GPR39: variants seen among roughly 807,000 people sequenced by gnomAD.
GPR39 encodes G protein-coupled receptor 39.
In GPR39, 23 loss-of-function variants were observed where a neutral mutation model predicts 18.4. That is an observed-to-expected ratio of 1.25 (90% CI 0.90 to 1.77). The LOEUF is 1.77. Ranked by LOEUF, GPR39 falls within the 40% of genes most tolerant of loss-of-function variation. GPR39 has a pLI of 0.00. For missense variants in GPR39, 647 were observed against 602.4 expected (o/e 1.07, Z -0.78); for synonymous variants, 280 against 257.9 (o/e 1.09, Z -0.82).
chr2:132,493,285 T>TACCATATATATAC (rs1257623066), intron 1 of GPR39, among the ~76,000 whole-genome samples: 1 of 146,288 alleles, frequency 6.8e-6, no homozygotes, highest in Admixed American at 6.9e-5. Context: ...ATACCATATA[T>TACCATATATATAC]ACCATATATA....
chr2:132,581,937 A>G (rs1211806298), intron 1 of GPR39, among the ~76,000 whole-genome samples: 1 of 152,124 alleles, frequency 6.6e-6, no homozygotes, highest in Non-Finnish European at 1.5e-5. Context: ...TGTTTACTGC[A>G]GATGTTTCAA....
chr2:132,517,668 G>T (rs116153868), intron 1 of GPR39, among the ~76,000 whole-genome samples: 1 of 152,090 alleles, frequency 6.6e-6, no homozygotes, highest in South Asian at 2.1e-4. Flanking sequence ...GTTATTGATC[G>T]CCAAATTTGT....
chr2:132,548,039 C>G (rs1012582795), intron 1 of GPR39, among the ~76,000 whole-genome samples: 8 of 152,174 alleles, frequency 5.3e-5, no homozygotes, highest in Non-Finnish European at 1.0e-4. Context: ...CCCAGCCACC[C>G]TCCCCGCTTA....
At chr2:132,579,105 T>G (rs980289715) in intron 1 of GPR39, among the ~76,000 whole-genome samples, 1 of 151,922 alleles carries the variant, frequency 6.6e-6, no homozygotes, top group Non-Finnish European at 1.5e-5. Flanking sequence ...TTCAGTACTA[T>G]AAGTTTTTCC....
At chr2:132,594,083 A>G (rs1428226572) in intron 1 of GPR39, among the ~76,000 whole-genome samples, 1 of 152,184 alleles carries the variant, frequency 6.6e-6, no homozygotes, top group Non-Finnish European at 1.5e-5. Flanking sequence ...TACAGCCAGG[A>G]TGGGTGACTT....
chr2:132,643,066 G>A (rs7567602), intron 1 of GPR39, among the ~76,000 whole-genome samples: 88,275 of 152,018 alleles, frequency 0.58, 27,425 homozygotes, highest in African/African-American at 0.81. Context: ...CGAAGTGGGA[G>A]AAAAGTCCCG....
At chr2:132,578,660 T>C (rs1056231978) in intron 1 of GPR39, among the ~76,000 whole-genome samples, 1 of 152,308 alleles carries the variant, frequency 6.6e-6, no homozygotes, top group Admixed American at 6.5e-5. Context: ...TGTTTCTAAA[T>C]AGACTTAACC....
chr2:132,602,044 C>T (rs1681051546), intron 1 of GPR39, among the ~76,000 whole-genome samples: 1 of 150,946 alleles, frequency 6.6e-6, no homozygotes, highest in Non-Finnish European at 1.5e-5. Context: ...AAAAAAAAAA[C>T]CTTAAATTAG....
At chr2:132,555,967 C>A (rs1404346707) in intron 1 of GPR39, among the ~76,000 whole-genome samples, 1 of 152,116 alleles carries the variant, frequency 6.6e-6, no homozygotes, top group Non-Finnish European at 1.5e-5. Flanking sequence ...TGCTGGGCCC[C>A]AACCCTAGAG....
intron 1 of GPR39, among the ~76,000 whole-genome samples, chr2:132,585,321 A>G (rs1054059229): frequency 2.6e-5 from 4 of 151,968 alleles, no homozygotes; most frequent in Non-Finnish European, 4.4e-5. Context: ...CTAAACCCCT[A>G]TTCTAGCTTC....
chr2:132,472,351 C>T (rs1384173059), intron 1 of GPR39, among the ~76,000 whole-genome samples: 1 of 152,172 alleles, frequency 6.6e-6, no homozygotes, highest in Non-Finnish European at 1.5e-5. Flanking sequence ...GTATTCCATC[C>T]AGCTCCTGAC....
intron 1 of GPR39, among the ~76,000 whole-genome samples, chr2:132,509,886 A>G (rs571082537): frequency 6.6e-6 from 1 of 152,324 alleles, no homozygotes; most frequent in East Asian, 1.9e-4. Flanking sequence ...TAGATGGATA[A>G]TTCATGGGCA....
chr2:132,515,830 T>G lies in GPR39; in HGVS notation c.856+97932T>G, dbSNP rs377214591. Among the ~76,000 whole-genome samples, 4 of 152,230 alleles carry G rather than the reference T, an allele frequency of 2.6e-5. No individual in the cohort carries two copies. In the East Asian group the frequency reaches 7.7e-4, roughly 29 times the overall value. ...TCAGACTAAACAGGGCTTGCTAAGT[T>G]CCTCCCTGTTTATTATTATTAAGTC... On this transcript the variant is annotated intron_variant, in intron 1 of 1. Transcript: ENST00000329321.
rs760696148 is a variant in GPR39, at chr2:132,645,322, T to C, written c.1078T>C (p.Cys360Arg). Residue 360 changes from cysteine (C) to arginine (R), a missense_variant, in exon 2 of 2, where the codon TGC becomes CGC. By Grantham distance (180) the Cys-to-Arg change is radical. This residue lies in a region of GPR39 where 581 missense variants were observed against 506.8 expected (regional missense o/e 1.15). Transcript: ENST00000329321. ...TCGGCGGGTGTTCGTGCAGGTGCTGTGCTGCCGCCTGTCGCTGCAGCACGC... is the reference window on the plus strand; with the variant it reads ...TCGGCGGGTGTTCGTGCAGGTGCTGCGCTGCCGCCTGTCGCTGCAGCACGC... Reference protein sequence around the residue: ...QFRRVFVQVLCCRLSLQHANH... With the variant: ...QFRRVFVQVLRCRLSLQHANH... 1.9e-6 allele frequency: 3 copies of C among 1,614,068 alleles called. No individual in the cohort carries two copies. The highest frequency in any genetic ancestry group is 2.5e-6 in the Non-Finnish European group (3 of 1,180,040).
intron 1 of GPR39, among the ~76,000 whole-genome samples, chr2:132,529,427 G>C (rs1013597104): frequency 6.6e-6 from 1 of 152,234 alleles, no homozygotes; most frequent in African/African-American, 2.4e-5. Flanking sequence ...ACCTCTGGGG[G>C]CAGGGCACAG....
At chr2:132,554,918 A>G (rs1014975477) in intron 1 of GPR39, among the ~76,000 whole-genome samples, 1 of 151,788 alleles carries the variant, frequency 6.6e-6, no homozygotes, top group Non-Finnish European at 1.5e-5. Flanking sequence ...TTCAAACCCC[A>G]CACATGGCTG....
chr2:132,513,440 G>A (rs1408550287), intron 1 of GPR39, among the ~76,000 whole-genome samples: 1 of 148,162 alleles, frequency 6.7e-6, no homozygotes, highest in South Asian at 2.1e-4. Context: ...TCCAGCCTGG[G>A]TGACAGAGCA....
chr2:132,565,412 T>TTA (rs1169065733), intron 1 of GPR39, among the ~76,000 whole-genome samples: 1 of 135,484 alleles, frequency 7.4e-6, no homozygotes, highest in African/African-American at 2.7e-5. Flanking sequence ...TTTTTTTTTT[T>TTA]ATTATACTTT....
intron 1 of GPR39, among the ~76,000 whole-genome samples, chr2:132,542,200 C>T (rs1452334707): frequency 2.0e-5 from 3 of 152,088 alleles, no homozygotes; most frequent in Non-Finnish European, 4.4e-5. Context: ...ATGCAAAGCA[C>T]CAAAAATAGG....
Sources: gnomAD v4.1 joint callset for allele counts (sites outside exome capture counted in the v4.1 genomes callset) on GRCh38, gnomAD v4.1.1 for gene constraint, gnomAD v4.1.1 regional missense constraint, MANE v1.5 for transcripts, NCBI Gene and HGNC (gene_info 2026-07-23, HGNC 2026-07-21) for gene names.